The following SZT2 variants were observed in gnomAD, a reference collection of about 807,000 sequenced individuals.
SZT2 encodes the protein KICSTOR complex protein SZT2.
SZT2 carries 216 observed loss-of-function variants against 404.2 expected under a neutral mutation model. The observed-to-expected ratio is 0.53, with a 90% CI of 0.48 to 0.60. SZT2 has a LOEUF of 0.60. Ranked by LOEUF, SZT2 falls within the 20% of genes least tolerant of loss-of-function variation. SZT2 has a pLI of 0.00. For missense variants in SZT2, 3,857 were observed against 4,459.2 expected (o/e 0.86, Z 3.85); for synonymous variants, 1,693 against 1,749.9 (o/e 0.97, Z 0.81).
rs1478128058 is a variant in SZT2, at chr1:43,453,636, C to G, written c.*3156C>G. On this transcript the variant is annotated 3_prime_UTR_variant, in exon 72 of 72. Coordinates refer to ENST00000634258, the MANE Select transcript of SZT2 (RefSeq NM_001365999.1). ...CAGTACAAGCCGCAGCCCCGCTTCT[C>G]GCGCGGCGCGCGCCAGCGCCTCAGG... The G allele has an allele frequency of 8.0e-6, 12 of 1,491,626 alleles. No homozygotes were observed. The South Asian group carries it at 1.1e-4, about 14-fold the overall frequency. The allele number at this position is 1,491,626 out of a possible 1,614,324, so 92.4% of individuals were successfully genotyped here.
chr1:43,390,403 G>T (rs1648145659), intron 1 of SZT2, among the ~76,000 whole-genome samples: 1 of 152,224 alleles, frequency 6.6e-6, no homozygotes, highest in African/African-American at 2.4e-5. Context: ...TTAGTTCTAG[G>T]GCTCATGCTT....
chr1:43,423,041 C>A, intron 14 of SZT2, 58 bp from the exon 15 acceptor site: 1 of 1,530,350 alleles, frequency 6.5e-7, no homozygotes, highest in Non-Finnish European at 8.8e-7. Context: ...CTGTGAGCCC[C>A]TTCTCCCAGA....
Position 43,447,886 on chromosome 1 carries a change from C to T in SZT2, c.9478C>T (p.Gln3160Ter), listed in dbSNP as rs1570741194. Residue 3160 changes from glutamine to a stop codon, truncating the protein, a stop_gained, in exon 68 of 72, where the codon CAG (glutamine) becomes TAG (stop). Coordinates refer to ENST00000634258, the MANE Select transcript of SZT2 (RefSeq NM_001365999.1). LOFTEE classifies it high-confidence loss of function. Reference sequence around the variant, plus strand: ...CCTGGACTCTGAGGGACTTCGACACCAGGATGACTTTGATGTGTCTCTGCT... The same window carrying T: ...CCTGGACTCTGAGGGACTTCGACACTAGGATGACTTTGATGTGTCTCTGCT... Reference protein sequence around the residue: ...SYLDSEGLRHQDDFDVSLLVC... With the variant: ...SYLDSEGLRH 2 of 1,613,962 alleles carry T rather than the reference C, an allele frequency of 1.2e-6. No homozygotes were observed. The highest frequency in any genetic ancestry group is 8.5e-7 in the Non-Finnish European group (1 of 1,180,018).
intron 62 of SZT2, among the ~76,000 whole-genome samples, chr1:43,444,912 A>G (rs1655497182): frequency 6.6e-6 from 1 of 152,164 alleles, no homozygotes; most frequent in African/African-American, 2.4e-5. Flanking sequence ...TAGTCCAGAA[A>G]TGCCAGTTCC....
At chr1:43,397,886 C>T (rs562320513) in intron 1 of SZT2, among the ~76,000 whole-genome samples, 1 of 152,246 alleles carries the variant, frequency 6.6e-6, no homozygotes, top group African/African-American at 2.4e-5. Context: ...ATACAGAGTG[C>T]TGTGTGAATG....
At position 43,448,623 on chromosome 1, in the gene SZT2, A is replaced by G; in HGVS notation, c.9981A>G (p.Leu3327=). ...GDIDPQLDCF[L]SMTVSWYQSL... ...GGCTCCTCCCTCAGGACTGCTTCCT[A>G]TCCATGACGGTCTCCTGGTACCAGA... The change falls in exon 70 of 72, where the codon CTA becomes CTG. Residue 3327 remains leucine (L), a synonymous_variant. Coordinates refer to ENST00000634258, the MANE Select transcript of SZT2 (RefSeq NM_001365999.1). The surrounding 1 kb of genome is among the most constrained non-coding windows in gnomAD (Gnocchi z 4.2). The G allele has an allele frequency of 1.2e-6, 2 of 1,614,178 alleles. No homozygotes were observed. The highest frequency in any genetic ancestry group is 1.7e-6 in the Non-Finnish European group (2 of 1,180,034).
At chr1:43,400,105 ATT>A (rs1395552486) in intron 1 of SZT2, among the ~76,000 whole-genome samples, 1 of 151,358 alleles carries the variant, frequency 6.6e-6, no homozygotes, top group Non-Finnish European at 1.5e-5. Flanking sequence ...TGCCGAGCTA[ATT>A]TTTGTATTTT....
Position 43,415,128 on chromosome 1 carries a change from TC to T in SZT2, c.547del (p.Leu183CysfsTer44). 1 of 1,598,102 alleles carries T rather than the reference TC, an allele frequency of 6.3e-7. No homozygotes were observed. Among genetic ancestry groups the T allele is most frequent in the Non-Finnish European group, 8.5e-7 (1 of 1,179,592 alleles). ...TTGGACCCTTCCCAGCGGGAGGTGT[TC>T]CTGCAGCAGATATATGAGCAGCTCT... ...CLLDPSQREV[F>X]LQQIYEQLCL... On this transcript the variant is annotated frameshift_variant, in exon 5 of 72. Coordinates refer to ENST00000634258, the MANE Select transcript of SZT2 (RefSeq NM_001365999.1). LOFTEE classifies it high-confidence loss of function.
rs780805483 is a variant in SZT2, at chr1:43,435,233, G to T, written c.5938G>T (p.Val1980Leu). ...LLLQDLHDSH[V>L]CNSLLVAESE... ...TCTTCAAGACCTTCATGACAGCCAC[G>T]TGTGTAACTCTCTTCTGGTGGCCGA... Residue 1980 changes from valine (V) to leucine (L), a missense_variant, in exon 42 of 72, where the codon GTG becomes TTG. Val to Leu is a conservative substitution (Grantham distance 32). Around this residue, in one of 7 missense-constraint regions of SZT2, gnomAD observed 1,725 missense variants for 1,881.0 expected, o/e 0.92. Coordinates refer to ENST00000634258, the MANE Select transcript of SZT2 (RefSeq NM_001365999.1). The T allele has an allele frequency of 5.6e-6, 9 of 1,614,212 alleles. No homozygotes were observed. The highest frequency in any genetic ancestry group is 1.6e-4 in the Middle Eastern group (1 of 6,062).
Position 43,391,907 on chromosome 1 carries a change from C to A in SZT2, c.27+1912C>A, listed in dbSNP as rs1441746758. ...CCATCCTGGCTAAAACGGTGAAACC[C>A]TGTCTCTACTAAAAAAAATACAAAA... On this transcript the variant is annotated intron_variant, in intron 1 of 71. Transcript: ENST00000634258. 1.1e-4 allele frequency among the ~76,000 whole-genome samples: 8 copies of A among 72,966 alleles called. 1 individual carries two copies. The highest frequency in any genetic ancestry group is 6.1e-4 in the East Asian group (2 of 3,284). The allele number at this position is 72,966 out of a possible 152,430, so 47.9% of individuals were successfully genotyped here. A position where few individuals can be genotyped will look rare whatever the true frequency, so the allele number is the denominator to read the frequency against.
intron 1 of SZT2, among the ~76,000 whole-genome samples, chr1:43,396,398 G>C (rs1284958906): frequency 6.6e-6 from 1 of 152,200 alleles, no homozygotes; most frequent in Non-Finnish European, 1.5e-5. Flanking sequence ...AAGTGGGTTA[G>C]ATATTTTCAA....
At chr1:43,445,696 GCAGCTGCTATGGAGAGAGCC>G in intron 62 of SZT2, 178 bp from the exon 63 acceptor site, 2 of 628,300 alleles carry the variant, frequency 3.2e-6, no homozygotes. Context: ...CCTTGAAGCA[GCAGCTGCTATGGAGAGAGCC>G]CAGCCTTGCA....
chr1:43,422,053 C>A, intron 11 of SZT2, 30 bp from the exon 12 acceptor site: 1 of 1,576,100 alleles, frequency 6.3e-7, no homozygotes, highest in Non-Finnish European at 8.6e-7. Flanking sequence ...TCTGCAAATG[C>A]TCCTATAGTG....
At position 43,442,557 on chromosome 1, in the gene SZT2, G is replaced by C. The variant is rs763979827; in HGVS notation, c.8090G>C (p.Ser2697Thr). 1.3e-5 allele frequency: 21 copies of C among 1,613,918 alleles called. No homozygotes were observed. Among genetic ancestry groups the C allele is most frequent in the Non-Finnish European group, 1.7e-5 (20 of 1,179,916 alleles). The stretch of plus-strand genomic sequence containing the variant: ...GCCCATCTCATCTTCTGCCTACTCA[G>C]CCAGAAGCTTGGCCTCTTCCATCAT... ...ARAHLIFCLL[S>T]QKLGLFHHYG... The change falls in exon 58 of 72, where the codon AGC (serine) becomes ACC (threonine). Residue 2697 changes from serine to threonine, a missense_variant. Physicochemically the swap from Ser to Thr is moderately conservative, Grantham distance 58. Coordinates refer to ENST00000634258, the MANE Select transcript of SZT2 (RefSeq NM_001365999.1). The surrounding 1 kb of genome is among the most constrained non-coding windows in gnomAD (Gnocchi z 4.5).
chr1:43,424,039 G>A lies in SZT2; in HGVS notation c.2256-178G>A, dbSNP rs1029452731. ...GAGTGGTACAGAGGTGTGGAAGGGC[G>A]TGGCTTAGCCGGGTATGAGTGGTAC... On this transcript the variant is annotated intron_variant, in intron 15 of 71. Coordinates refer to ENST00000634258, the MANE Select transcript of SZT2 (RefSeq NM_001365999.1). This position sits in a 1 kb window ranked among gnomAD's most constrained non-coding sequence, Gnocchi z 4.1. Among the ~76,000 whole-genome samples the A allele has an allele frequency of 3.4e-5, 5 of 148,920 alleles. No homozygotes were observed. The highest frequency in any genetic ancestry group is 7.4e-5 in the Non-Finnish European group (5 of 67,160).
In SZT2 at chr1:43,402,777, G is replaced by A. The variant is rs1308382966; in HGVS notation, c.28-400G>A. On this transcript the variant is annotated intron_variant, in intron 1 of 71. Coordinates refer to ENST00000634258, the MANE Select transcript of SZT2 (RefSeq NM_001365999.1). ...CTGCTGTTGTCAAGACTTGTTAGGA[G>A]TAACTGTCTGGCATTCGTGTAATGT... Among the ~76,000 whole-genome samples the A allele has an allele frequency of 2.6e-5, 4 of 152,194 alleles. No homozygotes were observed. The East Asian group carries it at 7.7e-4, about 29-fold the overall frequency.
In SZT2 at chr1:43,437,105, G is replaced by A. The variant is rs939151812; in HGVS notation, c.6035-66G>A. 1.9e-6 allele frequency: 3 copies of A among 1,589,334 alleles called. No individual in the cohort carries two copies. Among genetic ancestry groups the A allele is most frequent in the African/African-American group, 2.7e-5 (2 of 74,632 alleles). On this transcript the variant is annotated intron_variant, in intron 42 of 71. Transcript: ENST00000634258. The surrounding 1 kb of genome is among the most constrained non-coding windows in gnomAD (Gnocchi z 5.3). ...TGAGGACAAGTAGGCCAGTTCCCAG[G>A]TGAGAAGTCTGTGGAGGGCAGAGGG... is the stretch of plus-strand genomic sequence containing the variant.
rs758935291 is a variant in SZT2, at chr1:43,446,225, C to T, written c.8963C>T (p.Pro2988Leu). ...VTTYHLQRAL[P>L]GGIILMELAF... ...ACCTACCACCTGCAGCGGGCACTGC[C>T]TGGGGGCATCATCCTCATGGAACTG... Residue 2988 changes from proline (P) to leucine (L), a missense_variant, in exon 64 of 72, where the codon CCT becomes CTT. Physicochemically the swap from Pro to Leu is moderately conservative, Grantham distance 98 (BLOSUM62 -3). Coordinates refer to ENST00000634258, the MANE Select transcript of SZT2 (RefSeq NM_001365999.1). The T allele has an allele frequency of 5.0e-6, 8 of 1,614,252 alleles. No homozygotes were observed. The highest frequency in any genetic ancestry group is 6.8e-6 in the Non-Finnish European group (8 of 1,180,040).
At chr1:43,434,349 C>A in intron 40 of SZT2, 37 bp from the exon 41 acceptor site, 2 of 1,535,466 alleles carry the variant, frequency 1.3e-6, no homozygotes, top group Non-Finnish European at 1.8e-6. Context: ...TAACTCCTCC[C>A]CACTGCAGTT....
Sources: gnomAD v4.1 joint callset for allele counts (sites outside exome capture counted in the v4.1 genomes callset) on GRCh38, gnomAD v4.1.1 for gene constraint, gnomAD v4.1.1 regional missense constraint, Gnocchi (gnomAD v3.1) non-coding constraint, MANE v1.5 for transcripts, NCBI Gene and HGNC (gene_info 2026-07-23, HGNC 2026-07-21) for gene names.